The following ABL1 variants were observed in gnomAD, a reference collection of about 807,000 sequenced individuals.
The protein encoded by ABL1 is ABL proto-oncogene 1, non-receptor tyrosine kinase.
Under a neutral mutation model 94.7 loss-of-function variants are expected in ABL1, and 11 were observed. That is an observed-to-expected ratio of 0.12 (90% CI 0.07 to 0.19). ABL1 has a LOEUF of 0.19. Ranked by LOEUF, ABL1 falls within the 10% of genes least tolerant of loss-of-function variation. The pLI is 1.00. For missense variants in ABL1, 1,082 were observed against 1,489.4 expected, an observed-to-expected ratio of 0.73 and a Z score of 4.50; for synonymous variants, 656 against 622.4, an observed-to-expected ratio of 1.05 and a Z score of -0.80.
intron 1 of ABL1, among the ~76,000 whole-genome samples, chr9:130,753,627 T>C (rs1178996950): frequency 1.3e-5 from 2 of 151,246 alleles, no homozygotes; most frequent in African/African-American, 4.8e-5. Context: ...GTTTTTACCA[T>C]GTTGGCCAGG....
intron 10 of ABL1, among the ~76,000 whole-genome samples, chr9:130,883,326 C>T (rs577555909): frequency 2.5e-4 from 38 of 152,072 alleles, no homozygotes; most frequent in Non-Finnish European, 4.3e-4. Context: ...GGTGAAACCC[C>T]GTCTCTACTA....
intron 6 of ABL1, among the ~76,000 whole-genome samples, chr9:130,873,274 C>T (rs934149126): frequency 8.5e-5 from 13 of 152,210 alleles, no homozygotes; most frequent in African/African-American, 2.7e-4. Flanking sequence ...AGCAGCTAAT[C>T]CCCGGAGTAA....
intron 1 of ABL1, among the ~76,000 whole-genome samples, chr9:130,717,068 A>G (rs912448978): frequency 6.6e-6 from 1 of 151,670 alleles, no homozygotes; most frequent in African/African-American, 2.4e-5. Context: ...TTTGCGACAG[A>G]GTCTTGCTGT....
chr9:130,805,721 A>AGTTCAGCTG (rs1214420758), intron 1 of ABL1, among the ~76,000 whole-genome samples: 1 of 152,192 alleles, frequency 6.6e-6, no homozygotes, highest in Non-Finnish European at 1.5e-5. Context: ...AGCCAGAGTC[A>AGTTCAGCTG]GTTCAGCTGG....
At chr9:130,798,688 G>T (rs1311438181) in intron 1 of ABL1, among the ~76,000 whole-genome samples, 1 of 152,140 alleles carries the variant, frequency 6.6e-6, no homozygotes, top group Non-Finnish European at 1.5e-5. Flanking sequence ...GGAAGGGGGG[G>T]CCGGGCATGG....
chr9:130,819,075 C>T (rs560099958), intron 1 of ABL1, among the ~76,000 whole-genome samples: 7 of 152,132 alleles, frequency 4.6e-5, no homozygotes, highest in Admixed American at 2.0e-4. Flanking sequence ...CTCATCCTGC[C>T]GGGCGCGATG....
intron 4 of ABL1, among the ~76,000 whole-genome samples, chr9:130,871,406 C>T (rs1831250169): frequency 6.6e-6 from 1 of 152,176 alleles, no homozygotes; most frequent in South Asian, 2.1e-4. Context: ...GGCCCATGCT[C>T]CTATCTTTTT....
rs990887219 is a variant in ABL1, at chr9:130,872,038, T to C, written c.823-91T>C. Reference sequence around the variant, plus strand: ...AACGCAGCCCAGGACGAGTATGCGCTGAAGCTCCATTTTGCATTAACTAGT... The same window carrying C: ...AACGCAGCCCAGGACGAGTATGCGCCGAAGCTCCATTTTGCATTAACTAGT... On this transcript the variant is annotated intron_variant, in intron 4 of 10. Transcript: ENST00000318560. The surrounding 1 kb of genome is among the most constrained non-coding windows in gnomAD (Gnocchi z 5.0). 2 of 1,169,086 alleles carry C rather than the reference T, an allele frequency of 1.7e-6. No individual in the cohort carries two copies. The highest frequency in any genetic ancestry group is 2.5e-6 in the Non-Finnish European group (2 of 798,540). 72.4% of individuals were successfully genotyped at this position (1,169,086 alleles called of 1,614,324 possible).
chr9:130,859,204 G>T (rs1019352995), intron 3 of ABL1, among the ~76,000 whole-genome samples: 2 of 152,196 alleles, frequency 1.3e-5, no homozygotes, highest in African/African-American at 4.8e-5. Context: ...TCTATGAGAT[G>T]CCCCTGTCAC....
chr9:130,725,527 T>C (rs534743784), intron 1 of ABL1, among the ~76,000 whole-genome samples: 2 of 152,214 alleles, frequency 1.3e-5, no homozygotes, highest in East Asian at 3.9e-4. Flanking sequence ...ATTACAGGCA[T>C]GTGCCACCAT....
intron 7 of ABL1, among the ~76,000 whole-genome samples, 159 bp from the exon 8 acceptor site, chr9:130,878,256 C>T (rs1831386399): frequency 6.6e-6 from 1 of 152,188 alleles, no homozygotes; most frequent in African/African-American, 2.4e-5. Flanking sequence ...CAGCCTTGTC[C>T]TGGTCTTCTG....
chr9:130,801,050 C>T (rs1347268415), intron 1 of ABL1, among the ~76,000 whole-genome samples: 1 of 151,974 alleles, frequency 6.6e-6, no homozygotes, highest in Non-Finnish European at 1.5e-5. Flanking sequence ...CAGCGTCAGC[C>T]TCCCAAGTAG....
chr9:130,799,137 C>CTAAT (rs995572978), intron 1 of ABL1, among the ~76,000 whole-genome samples: 38 of 152,162 alleles, frequency 2.5e-4, no homozygotes, highest in African/African-American at 9.2e-4. Context: ...AAGCTGTAGG[C>CTAAT]TAAGTAAGGT....
At chr9:130,774,670 A>G (rs1202979311) in intron 1 of ABL1, among the ~76,000 whole-genome samples, 1 of 152,062 alleles carries the variant, frequency 6.6e-6, no homozygotes, top group East Asian at 1.9e-4. Context: ...AAAAAAACAA[A>G]AACAAAAAGC....
At chr9:130,875,106 T>C in intron 7 of ABL1, 54 bp downstream of exon 7, 1 of 1,528,760 alleles carries the variant, frequency 6.5e-7, no homozygotes, top group Non-Finnish European at 8.9e-7. Flanking sequence ...GAGGGTTTTT[T>C]TCTGCCTCTT....
intron 1 of ABL1, among the ~76,000 whole-genome samples, chr9:130,819,393 C>T (rs1477480275): frequency 6.6e-6 from 1 of 151,942 alleles, no homozygotes; most frequent in Non-Finnish European, 1.5e-5. Flanking sequence ...TAAATTTTCT[C>T]ATCCTTTTTT....
Position 130,735,952 on chromosome 9 carries a change from TATATA to T in ABL1, c.136+21498_136+21502del, listed in dbSNP as rs1271335750. Reference sequence around the variant, plus strand: ...GTGTGTGCATATATATATATATATATATATATATATTTTTTTTTTTTAAGACAGGG... The same window carrying T: ...GTGTGTGCATATATATATATATATATTATATTTTTTTTTTTTAAGACAGGG... On this transcript the variant is annotated intron_variant, in intron 1 of 10. Transcript: ENST00000372348. Among the ~76,000 whole-genome samples the T allele has an allele frequency of 8.5e-3, 756 of 88,760 alleles. 21 individuals are homozygous for T. Among genetic ancestry groups the T allele is most frequent in the South Asian group, 0.085 (256 of 3,016 alleles). 58.2% of individuals were successfully genotyped at this position (88,760 alleles called of 152,430 possible).
intron 1 of ABL1, among the ~76,000 whole-genome samples, chr9:130,719,042 AC>A (rs1831482622): frequency 6.6e-6 from 1 of 152,164 alleles, no homozygotes; most frequent in African/African-American, 2.4e-5. Flanking sequence ...TTTTTGTAAA[AC>A]AAAAATATCT....
At chr9:130,741,561 A>G (rs1487899222) in intron 1 of ABL1, among the ~76,000 whole-genome samples, 1 of 151,540 alleles carries the variant, frequency 6.6e-6, no homozygotes, top group African/African-American at 2.4e-5. Flanking sequence ...TACCGCACTG[A>G]TGCACCAGTT....
Sources: gnomAD v4.1 joint callset for allele counts (sites outside exome capture counted in the v4.1 genomes callset) on GRCh38, gnomAD v4.1.1 for gene constraint, Gnocchi (gnomAD v3.1) non-coding constraint, MANE v1.5 for transcripts, NCBI Gene and HGNC (gene_info 2026-07-23, HGNC 2026-07-21) for gene names.